The following TRHDE variants were observed in gnomAD, a reference collection of about 807,000 sequenced individuals.
The protein encoded by TRHDE is thyrotropin releasing hormone degrading enzyme, also known as thyrotropin-releasing hormone-degrading ectoenzyme.
Under a neutral mutation model 125.7 loss-of-function variants are expected in TRHDE, and 72 were observed. The ratio of observed to expected loss-of-function variants is 0.57; its 90% CI spans 0.47 to 0.70. The LOEUF is 0.70. TRHDE is among the 30% of genes least tolerant of loss of function. The pLI, the probability that TRHDE is intolerant of heterozygous loss-of-function variation, is 0.00. For synonymous variants in TRHDE, 509 were observed against 509.1 expected (o/e 1.00, Z 0.00); for missense variants, 1,110 against 1,327.1 (o/e 0.84, Z 2.54).
Position 72,360,333 on chromosome 12 carries a change from G to A in TRHDE, c.1189-17662G>A, listed in dbSNP as rs998377213. Reference sequence around the variant, plus strand: ...GGAGATTTTTGCAAATTGCACATTGGCAAATGATTACTATCCAGGATATAC... The same window carrying A: ...GGAGATTTTTGCAAATTGCACATTGACAAATGATTACTATCCAGGATATAC... On this transcript the variant is annotated intron_variant, in intron 2 of 18. Transcript: ENST00000261180. Among the ~76,000 whole-genome samples the A allele has an allele frequency of 5.3e-5, 8 of 151,788 alleles. No homozygotes were observed. The East Asian group carries it at 1.4e-3, about 26-fold the overall frequency.
intron 6 of TRHDE, among the ~76,000 whole-genome samples, chr12:72,534,506 A>G (rs1279739617): frequency 1.3e-5 from 2 of 152,126 alleles, no homozygotes; most frequent in Non-Finnish European, 2.9e-5. Flanking sequence ...AGTGAAAGAT[A>G]TATGCTGAAT....
At chr12:72,201,439 C>T (rs1055869464) in intron 2 of TRHDE, among the ~76,000 whole-genome samples, 5 of 152,154 alleles carry the variant, frequency 3.3e-5, no homozygotes, top group Non-Finnish European at 7.4e-5. Flanking sequence ...TTTAGCCTAA[C>T]TCTGTTAAGC....
intron 2 of TRHDE, among the ~76,000 whole-genome samples, chr12:72,131,373 C>A (rs893497651): frequency 6.6e-6 from 1 of 151,820 alleles, no homozygotes; most frequent in Non-Finnish European, 1.5e-5. Context: ...CGCCCGGCCT[C>A]TACTTAATGT....
chr12:72,310,513 C>A (rs1868495400), intron 2 of TRHDE, among the ~76,000 whole-genome samples: 1 of 151,810 alleles, frequency 6.6e-6, no homozygotes, highest in Non-Finnish European at 1.5e-5. Context: ...GTATTAATTG[C>A]ATTTCAGTTA....
At chr12:72,428,374 A>G (rs1874278964) in intron 3 of TRHDE, among the ~76,000 whole-genome samples, 1 of 152,088 alleles carries the variant, frequency 6.6e-6, no homozygotes, top group Non-Finnish European at 1.5e-5. Flanking sequence ...ATGTATTTCT[A>G]TCTCTATATC....
At position 72,653,065 on chromosome 12, in the gene TRHDE, A is replaced by G; in HGVS notation, c.2893A>G (p.Ile965Val). 2.5e-6 allele frequency: 4 copies of G among 1,608,014 alleles called. No homozygotes were observed. The highest frequency in any genetic ancestry group is 3.4e-6 in the Non-Finnish European group (4 of 1,176,410). ...NSEVVLDQDAIDVIIHVARNP... is the reference protein window; with the variant it reads ...NSEVVLDQDAVDVIIHVARNP... ...TGAGGTGGTGCTGGATCAAGATGCA[A>G]TTGATGTCATAATCCATGTAGCTCG... is the stretch of plus-strand genomic sequence containing the variant. The change falls in exon 17 of 19, where the codon ATT becomes GTT. Residue 965 changes from isoleucine (I) to valine (V), a missense_variant. Ile to Val is a conservative substitution (Grantham distance 29). Coordinates refer to ENST00000261180, the MANE Select transcript of TRHDE (RefSeq NM_013381.3).
chr12:72,417,491 C>A (rs1873781762), intron 3 of TRHDE, among the ~76,000 whole-genome samples: 1 of 151,930 alleles, frequency 6.6e-6, no homozygotes, highest in Admixed American at 6.6e-5. Context: ...TTGTGTTTTG[C>A]AAGTTGCCTG....
intron 12 of TRHDE, among the ~76,000 whole-genome samples, chr12:72,592,166 T>C (rs989084193): frequency 1.3e-5 from 2 of 152,186 alleles, no homozygotes; most frequent in Non-Finnish European, 2.9e-5. Context: ...TGGTATTCTT[T>C]GCCAAGAATA....
intron 2 of TRHDE, among the ~76,000 whole-genome samples, chr12:72,307,726 G>A (rs1479832563): frequency 6.6e-6 from 1 of 152,156 alleles, no homozygotes; most frequent in Non-Finnish European, 1.5e-5. Context: ...CCATTTCTAG[G>A]TTATACAGGG....
chr12:72,257,996 AAGGGAGGAG>A (rs1362323231), intron 2 of TRHDE: 1 of 152,088 alleles, frequency 6.6e-6, no homozygotes, highest in Non-Finnish European at 1.5e-5. Context: ...TAAAGAGGAA[AAGGGAGGAG>A]AGACAGCTGG....
At chr12:72,163,850 C>A (rs56878271) in intron 2 of TRHDE, among the ~76,000 whole-genome samples, 1 of 152,052 alleles carries the variant, frequency 6.6e-6, no homozygotes, top group Non-Finnish European at 1.5e-5. Flanking sequence ...GGTGGCTCAT[C>A]CCTGTAATCC....
At chr12:72,263,367 A>G (rs533777999) in intron 2 of TRHDE, 27 of 151,802 alleles carry the variant, frequency 1.8e-4, no homozygotes, top group African/African-American at 6.3e-4. Context: ...GGTTAAAAAA[A>G]AAAAAGCCGT....
intron 6 of TRHDE, among the ~76,000 whole-genome samples, chr12:72,529,273 C>T (rs1340352111): frequency 3.3e-5 from 5 of 151,786 alleles, no homozygotes; most frequent in Non-Finnish European, 7.4e-5. Context: ...AAATCTCAAC[C>T]GAGAAATTTT....
At chr12:72,489,239 A>G (rs1384211011) in intron 5 of TRHDE, among the ~76,000 whole-genome samples, 1 of 151,644 alleles carries the variant, frequency 6.6e-6, no homozygotes, top group East Asian at 1.9e-4. Flanking sequence ...AAAATACAAA[A>G]TCATCAAGCT....
chr12:72,357,619 C>A (rs1406700960), intron 2 of TRHDE, among the ~76,000 whole-genome samples: 1 of 151,420 alleles, frequency 6.6e-6, no homozygotes, highest in Non-Finnish European at 1.5e-5. Flanking sequence ...TTGATGGACA[C>A]CTAGGTTGTT....
rs555283389 is a variant in TRHDE, at chr12:72,651,770, A to G, written c.2676-552A>G. On this transcript the variant is annotated intron_variant, in intron 15 of 18. Coordinates refer to ENST00000261180, the MANE Select transcript of TRHDE (RefSeq NM_013381.3). ...ATTTTATTTTATAAACATAGGAAAAAATAACTTTCTACTTATATTTTGGTA... is the reference window on the plus strand; with the variant it reads ...ATTTTATTTTATAAACATAGGAAAAGATAACTTTCTACTTATATTTTGGTA... 1.2e-4 allele frequency among the ~76,000 whole-genome samples: 19 copies of G among 152,124 alleles called. No individual in the cohort carries two copies. In the South Asian group the frequency reaches 3.9e-3, roughly 32 times the overall value.
chr12:72,398,662 A>G (rs891879057), intron 3 of TRHDE, among the ~76,000 whole-genome samples: 7 of 152,228 alleles, frequency 4.6e-5, no homozygotes, highest in African/African-American at 1.7e-4. Context: ...AAATTTGAAC[A>G]ACTTTTCAAT....
At chr12:72,521,533 G>A (rs1879195488) in intron 6 of TRHDE, among the ~76,000 whole-genome samples, 2 of 152,204 alleles carry the variant, frequency 1.3e-5, no homozygotes, top group East Asian at 3.9e-4. Context: ...GTGTCGTTTA[G>A]TTGTGTGCTG....
chr12:72,463,207 G>A (rs1259868063), intron 3 of TRHDE, among the ~76,000 whole-genome samples: 6 of 152,212 alleles, frequency 3.9e-5, no homozygotes, highest in African/African-American at 1.4e-4. Context: ...ATTGGCTGCT[G>A]AGGTGATGCT....
Sources: gnomAD v4.1 joint callset for allele counts (sites outside exome capture counted in the v4.1 genomes callset) on GRCh38, gnomAD v4.1.1 for gene constraint, MANE v1.5 for transcripts, NCBI Gene and HGNC (gene_info 2026-07-23, HGNC 2026-07-21) for gene names.